PDE4D: variants seen among roughly 807,000 people sequenced by gnomAD.
PDE4D encodes phosphodiesterase 4D.
A neutral mutation model predicts 87.4 loss-of-function variants in PDE4D; 24 were observed. The ratio of observed to expected loss-of-function variants is 0.27; its 90% confidence interval spans 0.20 to 0.39. The LOEUF is 0.39. PDE4D is among the 10% of genes least tolerant of loss of function. PDE4D has a pLI of 1.00. For synonymous variants in PDE4D, 384 were observed against 383.2 expected (o/e 1.00, Z -0.02); for missense variants, 714 against 1,041.0 (o/e 0.69, Z 4.32).
At chr5:59,967,700 G>A (rs368491611) in intron 3 of PDE4D, among the ~76,000 whole-genome samples, 23 of 152,226 alleles carry the variant, frequency 1.5e-4, no homozygotes, top group African/African-American at 5.3e-4. Context: ...ATTTCTCAAA[G>A]AACTTAAAAC....
intron 1 of PDE4D, among the ~76,000 whole-genome samples, chr5:59,594,604 G>T (rs1277509250): frequency 1.3e-5 from 2 of 152,054 alleles, no homozygotes; most frequent in Non-Finnish European, 2.9e-5. Flanking sequence ...TACCAGGCAT[G>T]AGCCACCATG....
chr5:59,932,173 T>C (rs1222462109), intron 3 of PDE4D, among the ~76,000 whole-genome samples: 1 of 152,246 alleles, frequency 6.6e-6, no homozygotes, highest in East Asian at 1.9e-4. Flanking sequence ...TCACGACTTT[T>C]ATGATAGTAT....
At chr5:59,351,691 T>C (rs1374025598) in intron 1 of PDE4D, among the ~76,000 whole-genome samples, 1 of 152,214 alleles carries the variant, frequency 6.6e-6, no homozygotes, top group Non-Finnish European at 1.5e-5. Context: ...TTTCTTCTTT[T>C]TAATATAAAA....
At chr5:60,267,335 T>C (rs1252575492) in intron 1 of PDE4D, among the ~76,000 whole-genome samples, 1 of 152,196 alleles carries the variant, frequency 6.6e-6, no homozygotes, top group Non-Finnish European at 1.5e-5. Context: ...TTCTGTATTT[T>C]CTAATTTTAT....
chr5:60,176,752 C>A (rs1259990588), intron 2 of PDE4D, among the ~76,000 whole-genome samples: 1 of 152,218 alleles, frequency 6.6e-6, no homozygotes, highest in East Asian at 1.9e-4. Context: ...TGACAAAAGA[C>A]TGGTTAAGGT....
intron 3 of PDE4D, among the ~76,000 whole-genome samples, chr5:59,941,077 T>C (rs1757130632): frequency 6.6e-6 from 1 of 152,226 alleles, no homozygotes; most frequent in Non-Finnish European, 1.5e-5. Context: ...CAGGGCTTGC[T>C]ATTATTCTTT....
At chr5:59,794,583 A>C (rs914574791) in intron 1 of PDE4D, among the ~76,000 whole-genome samples, 5 of 151,906 alleles carry the variant, frequency 3.3e-5, no homozygotes, top group African/African-American at 1.2e-4. Flanking sequence ...ACCAATTGTC[A>C]CCTCCTGCAT....
chr5:60,217,946 T>C (rs1026281427), intron 1 of PDE4D, among the ~76,000 whole-genome samples: 1 of 151,884 alleles, frequency 6.6e-6, no homozygotes. Flanking sequence ...ACATCACTGG[T>C]AGAAATAGAA....
At chr5:60,116,507 C>T (rs1296971240) in intron 2 of PDE4D, among the ~76,000 whole-genome samples, 1 of 151,934 alleles carries the variant, frequency 6.6e-6, no homozygotes, top group Non-Finnish European at 1.5e-5. Flanking sequence ...CGTGTTGTCC[C>T]AGATAAAGAG....
intron 2 of PDE4D, among the ~76,000 whole-genome samples, chr5:60,175,600 TC>T (rs2149489848): frequency 6.6e-6 from 1 of 152,224 alleles, no homozygotes; most frequent in South Asian, 2.1e-4. Flanking sequence ...TAATATTTGC[TC>T]CCCCTTTAGC....
chr5:60,475,218 G>T (rs1583882025), intron 1 of PDE4D, among the ~76,000 whole-genome samples: 1 of 152,096 alleles, frequency 6.6e-6, no homozygotes, highest in Non-Finnish European at 1.5e-5. Context: ...TCAAGGCTCA[G>T]TTTCTTCTTC....
chr5:59,854,009 G>T (rs901655977), intron 1 of PDE4D, among the ~76,000 whole-genome samples: 2 of 151,946 alleles, frequency 1.3e-5, no homozygotes, highest in African/African-American at 4.8e-5. Context: ...TTCAGTTTTA[G>T]ATTAATTCCT....
At chr5:59,906,333 G>A (rs538268793) in intron 3 of PDE4D, among the ~76,000 whole-genome samples, 98 of 152,266 alleles carry the variant, frequency 6.4e-4, no homozygotes, top group African/African-American at 2.2e-3. Flanking sequence ...GCTAGAGAAA[G>A]TAGTTAGCTT....
intron 1 of PDE4D, among the ~76,000 whole-genome samples, chr5:60,482,804 T>G (rs1748835756): frequency 6.6e-6 from 1 of 152,250 alleles, no homozygotes; most frequent in Admixed American, 6.5e-5. Context: ...TATTCCTTTC[T>G]TGTTGATTTT....
intron 1 of PDE4D, among the ~76,000 whole-genome samples, chr5:60,441,567 A>G (rs1745213825): frequency 6.6e-6 from 1 of 152,224 alleles, no homozygotes; most frequent in South Asian, 2.1e-4. Context: ...CAATGGCAAC[A>G]AAAGCCAAAA....
chr5:59,290,586 G>A (rs1767830949), intron 1 of PDE4D, among the ~76,000 whole-genome samples: 1 of 151,834 alleles, frequency 6.6e-6, no homozygotes, highest in Non-Finnish European at 1.5e-5. Flanking sequence ...GGACAAATAG[G>A]ATCACATCAA....
At chr5:59,803,788 C>G (rs1254939324) in intron 1 of PDE4D, among the ~76,000 whole-genome samples, 5 of 152,182 alleles carry the variant, frequency 3.3e-5, no homozygotes, top group Non-Finnish European at 7.3e-5. Context: ...TCAACACAGA[C>G]AAGGTCACGT....
chr5:59,581,033 C>A (rs892178103), intron 1 of PDE4D, among the ~76,000 whole-genome samples: 3 of 152,058 alleles, frequency 2.0e-5, no homozygotes, highest in Non-Finnish European at 4.4e-5. Flanking sequence ...TGTTTATAGG[C>A]TGGTACTTCT....
At chr5:59,333,152 CA>C in intron 1 of PDE4D, among the ~76,000 whole-genome samples, 1 of 152,238 alleles carries the variant, frequency 6.6e-6, no homozygotes, top group South Asian at 2.1e-4. Context: ...ACTCTATAAT[CA>C]AAATCCAGTT....
Sources: allele counts gnomAD v4.1 joint callset (sites outside exome capture counted in the v4.1 genomes callset), GRCh38; gene constraint gnomAD v4.1.1; transcripts MANE v1.5; gene names NCBI Gene and HGNC (gene_info 2026-07-23, HGNC 2026-07-21).